EDAR: variants seen among roughly 807,000 people sequenced by gnomAD.
EDAR encodes the protein ectodysplasin A receptor, also known as tumor necrosis factor receptor superfamily member EDAR.
Under a neutral mutation model 51.3 loss-of-function variants are expected in EDAR, and 38 were observed. That is an observed-to-expected ratio of 0.74 (90% CI 0.57 to 0.97). The LOEUF is 0.97. Ranked by LOEUF, EDAR falls within the 50% of genes least tolerant of loss-of-function variation. The pLI, the probability that EDAR is intolerant of heterozygous loss-of-function variation, is 0.00. For missense variants in EDAR, 528 were observed against 595.0 expected (o/e 0.89, Z 1.17); for synonymous variants, 227 against 242.1 (o/e 0.94, Z 0.58).
At chr2:108,980,335 C>T (rs1030091394) in intron 1 of EDAR, among the ~76,000 whole-genome samples, 6 of 152,046 alleles carry the variant, frequency 3.9e-5, no homozygotes, top group Non-Finnish European at 8.8e-5. Flanking sequence ...CAAAAGCCCC[C>T]TTGGGAGGCT....
chr2:108,910,748 T>C (rs1265541122), intron 8 of EDAR, 28 bp downstream of exon 8: 1 of 1,610,588 alleles, frequency 6.2e-7, no homozygotes, highest in African/African-American at 1.3e-5. Flanking sequence ...ACCGTGCACA[T>C]GGTGTGTGGA....
chr2:108,930,080 C>A, intron 3 of EDAR, 40 bp downstream of exon 3: 1 of 1,596,684 alleles, frequency 6.3e-7, no homozygotes, highest in Non-Finnish European at 8.6e-7. Context: ...GGAGGCCTCC[C>A]CTGAGAGCGC....
chr2:108,980,533 T>C (rs915264176), intron 1 of EDAR, among the ~76,000 whole-genome samples: 17 of 152,162 alleles, frequency 1.1e-4, no homozygotes, highest in African/African-American at 4.1e-4. Flanking sequence ...TACATATATA[T>C]ATTTATGTGA....
intron 1 of EDAR, among the ~76,000 whole-genome samples, chr2:108,951,631 C>T (rs1159168011): frequency 3.3e-5 from 5 of 152,072 alleles, no homozygotes; most frequent in African/African-American, 1.2e-4. Flanking sequence ...GGCACTGGAT[C>T]AGGATGGGGC....
At chr2:108,960,136 G>A (rs962229649) in intron 1 of EDAR, among the ~76,000 whole-genome samples, 1 of 152,192 alleles carries the variant, frequency 6.6e-6, no homozygotes, top group Non-Finnish European at 1.5e-5. Context: ...GGTGCTAAGA[G>A]GAGCGGGGTG....
chr2:108,969,025 G>A (rs570730716), intron 1 of EDAR, among the ~76,000 whole-genome samples: 2 of 152,318 alleles, frequency 1.3e-5, no homozygotes, highest in South Asian at 2.1e-4. Flanking sequence ...AATCAGCAAG[G>A]CCACCTCAAG....
chr2:108,929,998 A>T, intron 3 of EDAR, 122 bp downstream of exon 3: 1 of 1,241,368 alleles, frequency 8.1e-7, no homozygotes, highest in Non-Finnish European at 1.1e-6. Context: ...AGGGAGCGTG[A>T]CCGGCTGGTT....
chr2:108,980,830 T>C (rs1698407677), intron 1 of EDAR, among the ~76,000 whole-genome samples: 2 of 152,096 alleles, frequency 1.3e-5, no homozygotes, highest in South Asian at 4.1e-4. Flanking sequence ...CCTGGCACCA[T>C]ACTCCATGGG....
intron 1 of EDAR, among the ~76,000 whole-genome samples, chr2:108,950,527 G>A (rs962480623): frequency 6.6e-6 from 1 of 152,228 alleles, no homozygotes; most frequent in African/African-American, 2.4e-5. Flanking sequence ...GGAAGCACAA[G>A]AGATTGTTTA....
intron 1 of EDAR, among the ~76,000 whole-genome samples, chr2:108,958,674 C>T (rs1170055865): frequency 6.6e-6 from 1 of 152,214 alleles, no homozygotes; most frequent in Admixed American, 6.5e-5. Flanking sequence ...AGCCCAAGTC[C>T]AGCTCTCAGG....
chr2:108,937,540 TGTGA>T (rs1362791013), intron 1 of EDAR, among the ~76,000 whole-genome samples: 5 of 151,900 alleles, frequency 3.3e-5, no homozygotes, highest in East Asian at 1.9e-4. Context: ...AGTGTATGTG[TGTGA>T]GTGTGTGAAT....
At chr2:108,973,277 C>T (rs1441197505) in intron 1 of EDAR, among the ~76,000 whole-genome samples, 4 of 151,980 alleles carry the variant, frequency 2.6e-5, no homozygotes, top group African/African-American at 7.2e-5. Context: ...CATGAGCCAC[C>T]GCACCTGGCC....
In EDAR at chr2:108,958,165, A is replaced by G. The variant is rs546632384; in HGVS notation, c.-18-27133T>C. Among the ~76,000 whole-genome samples the G allele has an allele frequency of 2.0e-5, 3 of 152,208 alleles. 1 individual carries two copies. The South Asian group carries it at 6.2e-4, about 32-fold the overall frequency. ...CCAGGAGAAAGAAAGGCGGGAGAGAAAAAAAGGGCCTTTATACAAAGAAGT... is the reference window on the plus strand; with the variant it reads ...CCAGGAGAAAGAAAGGCGGGAGAGAGAAAAAGGGCCTTTATACAAAGAAGT... On this transcript the variant is annotated intron_variant, in intron 1 of 11. Coordinates refer to ENST00000258443, the MANE Select transcript of EDAR (RefSeq NM_022336.4).
At chr2:108,910,400 C>T (rs1696897008) in intron 9 of EDAR, 60 bp downstream of exon 9, 1 of 1,415,666 alleles carries the variant, frequency 7.1e-7, no homozygotes, top group Non-Finnish European at 9.9e-7. Flanking sequence ...CCTGGTTCCC[C>T]TCCCTGCTCA....
At chr2:108,972,351 T>C (rs578008671) in intron 1 of EDAR, among the ~76,000 whole-genome samples, 2 of 152,300 alleles carry the variant, frequency 1.3e-5, no homozygotes, top group African/African-American at 2.4e-5. Context: ...GATGACCAAA[T>C]CAAAACAGGG....
intron 1 of EDAR, chr2:108,940,078 C>T (rs1254448629): frequency 2.0e-5 from 3 of 152,264 alleles, no homozygotes; most frequent in Non-Finnish European, 2.9e-5. Context: ...TTGACTGAGA[C>T]GATAGCCTCT....
rs575169957 is a variant in EDAR, at chr2:108,931,958, A to G, written c.-18-926T>C. Among the ~76,000 whole-genome samples the G allele has an allele frequency of 7.9e-5, 12 of 152,270 alleles. 1 individual carries two copies. In the South Asian group the frequency reaches 2.5e-3, roughly 32 times the overall value. On this transcript the variant is annotated intron_variant, in intron 1 of 11. Transcript: ENST00000258443. ...CTGGGTTGTGTGAGGAACCTTCCAG[A>G]ATCAACCACTGACACAGCCCAGAAG...
rs182356554 is a variant in EDAR at position 108,965,644 on chromosome 2, C to T, written c.-19+23316G>A. On this transcript the variant is annotated intron_variant, in intron 1 of 11. Transcript: ENST00000258443. ...TTACCTTTGGGTGTCTGTATGCCTC[C>T]TTCCTTCTCATTTGGGTGACTGCTG... is the stretch of plus-strand genomic sequence containing the variant. Among the ~76,000 whole-genome samples the T allele has an allele frequency of 1.7e-3, 255 of 151,946 alleles. 1 individual carries two copies. Among genetic ancestry groups the T allele is most frequent in the African/African-American group, 6.1e-3 (251 of 41,404 alleles).
At chr2:108,898,159 C>T (rs1270528921) in intron 11 of EDAR, among the ~76,000 whole-genome samples, 2 of 152,190 alleles carry the variant, frequency 1.3e-5, no homozygotes, top group African/African-American at 2.4e-5. Context: ...ACTGTGTCCC[C>T]ACTCTATCCA....
Sources: allele counts gnomAD v4.1 joint callset (sites outside exome capture counted in the v4.1 genomes callset), GRCh38; gene constraint gnomAD v4.1.1; transcripts MANE v1.5; gene names NCBI Gene and HGNC (gene_info 2026-07-23, HGNC 2026-07-21).